DPYSL2: variants seen among roughly 807,000 people sequenced by gnomAD.
The protein encoded by DPYSL2 is dihydropyrimidinase like 2.
In DPYSL2, 13 loss-of-function variants were observed where a neutral mutation model predicts 69.9. That is an observed-to-expected ratio of 0.19 (90% CI 0.12 to 0.30). DPYSL2 has a LOEUF of 0.30. Ranked by LOEUF, DPYSL2 falls within the 10% of genes least tolerant of loss-of-function variation. The pLI is 1.00. For synonymous variants in DPYSL2, 326 were observed against 359.1 expected, an observed-to-expected ratio of 0.91 and a Z score of 1.04; for missense variants, 587 against 918.9, an observed-to-expected ratio of 0.64 and a Z score of 4.67.
Position 26,546,921 on chromosome 8 carries a change from C to CAAAAAAAA in DPYSL2, c.354+32265_354+32272dup, listed in dbSNP as rs61360009. Among the ~76,000 whole-genome samples the CAAAAAAAA allele has an allele frequency of 2.2e-4, 10 of 46,206 alleles. 1 individual carries two copies. Among genetic ancestry groups the CAAAAAAAA allele is most frequent in the African/African-American group, 4.5e-4 (4 of 8,882 alleles). The allele number at this position is 46,206 out of a possible 152,430, so 30.3% of individuals were successfully genotyped here. A position where few individuals can be genotyped will look rare whatever the true frequency, so the allele number is the denominator to read the frequency against. On this transcript the variant is annotated intron_variant, in intron 1 of 13. Coordinates refer to ENST00000521913, the MANE Select transcript of DPYSL2 (RefSeq NM_001197293.3). ...TGGGCGACTGAGGGAGACTCAGTCT[C>CAAAAAAAA]AAAAAAAAAAAAAAAAAAAAAAAAA...
At chr8:26,634,167 A>G (rs1802845144) in intron 7 of DPYSL2, among the ~76,000 whole-genome samples, 1 of 152,248 alleles carries the variant, frequency 6.6e-6, no homozygotes, top group Admixed American at 6.5e-5. Flanking sequence ...TTTCTAGTCC[A>G]GGGCAGAGCC....
chr8:26,623,489 A>G (rs1802544150), intron 3 of DPYSL2, among the ~76,000 whole-genome samples: 1 of 152,226 alleles, frequency 6.6e-6, no homozygotes, highest in African/African-American at 2.4e-5. Context: ...GACACCATGC[A>G]GGTGAATGAT....
chr8:26,569,382 A>AAAC (rs1421539019), intron 1 of DPYSL2, among the ~76,000 whole-genome samples: 1 of 151,138 alleles, frequency 6.6e-6, no homozygotes, highest in Non-Finnish European at 1.5e-5. Context: ...AAAAACAAAA[A>AAAC]AAAACCAAAG....
chr8:26,598,564 A>C lies in DPYSL2; in HGVS notation c.628+14581A>C, dbSNP rs576140680. On this transcript the variant is annotated intron_variant, in intron 3 of 13. Coordinates refer to ENST00000521913, the MANE Select transcript of DPYSL2 (RefSeq NM_001197293.3). This position sits in a 1 kb window ranked among gnomAD's most constrained non-coding sequence, Gnocchi z 4.2. ...ACCAGGAGACACCCGATGTGCCCCC[A>C]CCTTGGTGAGCACCTTTCCCCCCAG... Among the ~76,000 whole-genome samples, 5 of 152,302 alleles carry C rather than the reference A, an allele frequency of 3.3e-5. No homozygotes were observed. Among genetic ancestry groups the C allele is most frequent in the African/African-American group, 1.2e-4 (5 of 41,568 alleles).
intron 7 of DPYSL2, among the ~76,000 whole-genome samples, chr8:26,629,726 A>G (rs1421161396): frequency 6.6e-6 from 1 of 152,190 alleles, no homozygotes; most frequent in African/African-American, 2.4e-5. Flanking sequence ...GACCATAAAC[A>G]TGCCTGAGGC....
chr8:26,556,894 G>C (rs1800996598), intron 1 of DPYSL2, among the ~76,000 whole-genome samples: 1 of 152,158 alleles, frequency 6.6e-6, no homozygotes, highest in Non-Finnish European at 1.5e-5. Flanking sequence ...CAAGGGAAGA[G>C]AGCAGAGAGC....
At chr8:26,603,063 G>A (rs1328613868) in intron 3 of DPYSL2, among the ~76,000 whole-genome samples, 5 of 152,178 alleles carry the variant, frequency 3.3e-5, no homozygotes, top group Admixed American at 6.5e-5. Flanking sequence ...TTTAGACTCC[G>A]GATTTGACCA....
Position 26,626,500 on chromosome 8 carries a change from C to G in DPYSL2, c.794-117C>G, listed in dbSNP as rs1802615424. The G allele has an allele frequency of 1.3e-6, 1 of 753,164 alleles. No homozygotes were observed. Among genetic ancestry groups the G allele is most frequent in the African/African-American group, 1.7e-5 (1 of 57,866 alleles). 46.7% of individuals were successfully genotyped at this position (753,164 alleles called of 1,614,324 possible). A position where few individuals can be genotyped will look rare whatever the true frequency, so the allele number is the denominator to read the frequency against. On this transcript the variant is annotated intron_variant, in intron 4 of 13. Coordinates refer to ENST00000521913, the MANE Select transcript of DPYSL2 (RefSeq NM_001197293.3). This position sits in a 1 kb window ranked among gnomAD's most constrained non-coding sequence, Gnocchi z 4.3. The stretch of plus-strand genomic sequence containing the variant: ...GTACTGAAACACACACACACACACA[C>G]ACACACACACACACACACACACGTA...
Position 26,514,140 on chromosome 8 carries a change from T to G in DPYSL2, c.-186T>G. The G allele has an allele frequency of 2.3e-6, 1 of 434,128 alleles. No homozygotes were observed. Among genetic ancestry groups the G allele is most frequent in the Non-Finnish European group, 3.9e-6 (1 of 255,836 alleles). 26.9% of individuals were successfully genotyped at this position (434,128 alleles called of 1,614,324 possible). On this transcript the variant is annotated 5_prime_UTR_variant, in exon 1 of 14. Coordinates refer to ENST00000521913, the MANE Select transcript of DPYSL2 (RefSeq NM_001197293.3). The surrounding 1 kb of genome is among the most constrained non-coding windows in gnomAD (Gnocchi z 8.4). ...GTGGGCAGGGAGGGGAGAAGCGGGG[T>G]CAGGGGGAGGGACCGGGAGGGTGGG...
chr8:26,534,223 C>G (rs1800556916), intron 1 of DPYSL2, among the ~76,000 whole-genome samples: 1 of 152,124 alleles, frequency 6.6e-6, no homozygotes, highest in African/African-American at 2.4e-5. Flanking sequence ...TTCTGTCACT[C>G]ATGCTGGATT....
chr8:26,553,773 A>AT, intron 1 of DPYSL2, among the ~76,000 whole-genome samples: 1 of 151,830 alleles, frequency 6.6e-6, no homozygotes, highest in Non-Finnish European at 1.5e-5. Context: ...TGGTAGTTCT[A>AT]TTTTTAGTTC....
rs188576335 is a variant in DPYSL2, at chr8:26,620,246, A to G, written c.629-3897A>G. Among the ~76,000 whole-genome samples, 20 of 152,136 alleles carry G rather than the reference A, an allele frequency of 1.3e-4. No individual in the cohort carries two copies. The highest frequency in any genetic ancestry group is 2.2e-4 in the Non-Finnish European group (15 of 67,990). On this transcript the variant is annotated intron_variant, in intron 3 of 13. Transcript: ENST00000521913. The surrounding 1 kb of genome is among the most constrained non-coding windows in gnomAD (Gnocchi z 4.5). Reference sequence around the variant, plus strand: ...AAGGGAAGAAAATCTTGTGGAGGAAATGAGCTTTTATTTTTTTCCTTTTTT... The same window carrying G: ...AAGGGAAGAAAATCTTGTGGAGGAAGTGAGCTTTTATTTTTTTCCTTTTTT...
In DPYSL2 at chr8:26,621,004, C is replaced by G. The variant is rs1802469161; in HGVS notation, c.629-3139C>G. ...GTACATACATACACATACATACATG[C>G]CTCTTTCCTGATTTTATTTTACCAT... On this transcript the variant is annotated intron_variant, in intron 3 of 13. Transcript: ENST00000521913. This position sits in a 1 kb window ranked among gnomAD's most constrained non-coding sequence, Gnocchi z 4.9. Among the ~76,000 whole-genome samples, 2 of 152,240 alleles carry G rather than the reference C, an allele frequency of 1.3e-5. No homozygotes were observed. Among genetic ancestry groups the G allele is most frequent in the African/African-American group, 4.8e-5 (2 of 41,564 alleles).
intron 3 of DPYSL2, among the ~76,000 whole-genome samples, chr8:26,604,346 T>A (rs1362832194): frequency 6.6e-6 from 1 of 152,212 alleles, no homozygotes; most frequent in Non-Finnish European, 1.5e-5. Flanking sequence ...TCCTGGAATG[T>A]CATGCCAGGG....
intron 3 of DPYSL2, among the ~76,000 whole-genome samples, chr8:26,616,389 G>A (rs577255851): frequency 6.6e-6 from 1 of 152,330 alleles, no homozygotes; most frequent in East Asian, 1.9e-4. Context: ...GCATTTTGCA[G>A]GGTAGATGCC....
chr8:26,541,586 C>T (rs1800684672), intron 1 of DPYSL2, among the ~76,000 whole-genome samples: 1 of 152,156 alleles, frequency 6.6e-6, no homozygotes. Flanking sequence ...ATGTAAATTA[C>T]TTTTAACCCC....
In DPYSL2 at chr8:26,591,841, C is replaced by T. The variant is rs939366199; in HGVS notation, c.628+7858C>T. Among the ~76,000 whole-genome samples, 10 of 152,146 alleles carry T rather than the reference C, an allele frequency of 6.6e-5. No individual in the cohort carries two copies. Among genetic ancestry groups the T allele is most frequent in the Non-Finnish European group, 1.3e-4 (9 of 68,030 alleles). ...GGATGGAAACCAACCCATCCTGGCA[C>T]TGCCTCCCCCTCTGCCCACCTCCCC... On this transcript the variant is annotated intron_variant, in intron 3 of 13. Transcript: ENST00000521913. This position sits in a 1 kb window ranked among gnomAD's most constrained non-coding sequence, Gnocchi z 5.8.
At position 26,622,160 on chromosome 8, in the gene DPYSL2, T is replaced by TCCCTCCCTCCCTCC. The variant is rs1393435759; in HGVS notation, c.629-1982_629-1981insCCTCCCTCCCTCCC. 1.0e-3 allele frequency among the ~76,000 whole-genome samples: 98 copies of TCCCTCCCTCCCTCC among 96,408 alleles called. 1 individual carries two copies. The highest frequency in any genetic ancestry group is 3.8e-3 in the African/African-American group (97 of 25,734). The allele number at this position is 96,408 out of a possible 152,430, so 63.2% of individuals were successfully genotyped here. ...TTCCTTCCTTCCTTCCTTCCTTCCC[T>TCCCTCCCTCCCTCC]CTCTCTCTCTTTCTTTCTTTCTTTC... On this transcript the variant is annotated intron_variant, in intron 3 of 13. Coordinates refer to ENST00000521913, the MANE Select transcript of DPYSL2 (RefSeq NM_001197293.3).
At chr8:26,558,866 A>T (rs1261825659) in intron 1 of DPYSL2, among the ~76,000 whole-genome samples, 1 of 152,250 alleles carries the variant, frequency 6.6e-6, no homozygotes, top group Non-Finnish European at 1.5e-5. Flanking sequence ...CACATTAAAA[A>T]ATTAATAGTT....
Sources: allele counts gnomAD v4.1 joint callset (sites outside exome capture counted in the v4.1 genomes callset), GRCh38; gene constraint gnomAD v4.1.1; non-coding constraint Gnocchi (gnomAD v3.1); transcripts MANE v1.5; gene names NCBI Gene and HGNC (gene_info 2026-07-23, HGNC 2026-07-21).